CNTN4: variants seen among roughly 807,000 people sequenced by gnomAD.
CNTN4 encodes the protein contactin-4.
In CNTN4, 77 loss-of-function variants were observed where a neutral mutation model predicts 122.5. That is an observed-to-expected ratio of 0.63 (90% CI 0.52 to 0.76). The LOEUF is 0.76. CNTN4 is among the 30% of genes least tolerant of loss of function. The probability of loss-of-function intolerance (pLI) is 0.00; values close to 1 mark genes in which losing one functional copy is unlikely to be tolerated. For synonymous variants in CNTN4, 512 were observed against 447.0 expected (o/e 1.15, Z -1.83); for missense variants, 1,256 against 1,259.1 (o/e 1.00, Z 0.04).
At chr3:2,189,605 A>G (rs2037431674) in intron 2 of CNTN4, among the ~76,000 whole-genome samples, 1 of 152,108 alleles carries the variant, frequency 6.6e-6, no homozygotes, top group South Asian at 2.1e-4. Context: ...TCTCGCCTCC[A>G]TGTTGTCCCT....
At chr3:2,733,520 G>A (rs1377799076) in intron 4 of CNTN4, among the ~76,000 whole-genome samples, 2 of 146,102 alleles carry the variant, frequency 1.4e-5, no homozygotes, top group Non-Finnish European at 3.0e-5. Flanking sequence ...TTTTTTTAAA[G>A]TGCATGTTTG....
At chr3:2,779,984 A>G (rs564417731) in intron 6 of CNTN4, among the ~76,000 whole-genome samples, 1 of 152,254 alleles carries the variant, frequency 6.6e-6, no homozygotes, top group South Asian at 2.1e-4. Flanking sequence ...TTGAAGAACT[A>G]ACTGACCATT....
At chr3:2,899,579 A>G (rs2094150632) in intron 10 of CNTN4, among the ~76,000 whole-genome samples, 1 of 152,184 alleles carries the variant, frequency 6.6e-6, no homozygotes, top group South Asian at 2.1e-4. Context: ...ATTTATGAAG[A>G]CTTTTTATGG....
At chr3:2,702,197 G>A (rs1347835130) in intron 4 of CNTN4, among the ~76,000 whole-genome samples, 3 of 152,176 alleles carry the variant, frequency 2.0e-5, no homozygotes, top group Admixed American at 2.0e-4. Context: ...TGTTAGGGGA[G>A]AGCTAGGCAT....
chr3:2,290,145 T>G (rs183327481), intron 2 of CNTN4, among the ~76,000 whole-genome samples: 6 of 152,226 alleles, frequency 3.9e-5, no homozygotes, highest in Admixed American at 3.3e-4. Flanking sequence ...AAACAACAGT[T>G]TCTAGACAGT....
chr3:2,275,339 A>G (rs1051575404), intron 2 of CNTN4, among the ~76,000 whole-genome samples: 14 of 152,306 alleles, frequency 9.2e-5, no homozygotes, highest in African/African-American at 3.4e-4. Flanking sequence ...TACGTGATTT[A>G]TGTGCTAATT....
chr3:2,687,531 C>T (rs1174785468), intron 4 of CNTN4, among the ~76,000 whole-genome samples: 1 of 152,070 alleles, frequency 6.6e-6, no homozygotes, highest in East Asian at 1.9e-4. Context: ...GGCATGGTGG[C>T]ATGCGCCTGT....
At chr3:2,204,276 T>G (rs1255958478) in intron 2 of CNTN4, among the ~76,000 whole-genome samples, 1 of 152,318 alleles carries the variant, frequency 6.6e-6, no homozygotes, top group Admixed American at 6.5e-5. Context: ...CATACATCTT[T>G]TTAATTATTC....
intron 4 of CNTN4, among the ~76,000 whole-genome samples, chr3:2,645,136 C>G (rs1166713795): frequency 6.6e-6 from 1 of 152,010 alleles, no homozygotes; most frequent in East Asian, 1.9e-4. Flanking sequence ...GAAAATTGCT[C>G]AGGCTTCAAG....
chr3:2,323,386 G>T (rs2043338042), intron 2 of CNTN4, among the ~76,000 whole-genome samples: 2 of 152,246 alleles, frequency 1.3e-5, no homozygotes, highest in Admixed American at 1.3e-4. Flanking sequence ...GAGATTCATG[G>T]AACCTGGTAA....
intron 3 of CNTN4, among the ~76,000 whole-genome samples, chr3:2,480,042 A>G (rs548084055): frequency 1.1e-3 from 167 of 152,346 alleles, no homozygotes; most frequent in African/African-American, 3.8e-3. Context: ...CACTAGATGC[A>G]GAAAAGCATT....
rs111977002 is a variant in CNTN4, at chr3:2,878,778, G to A, written c.653-4367G>A. On this transcript the variant is annotated intron_variant, in intron 8 of 24. Transcript: ENST00000418658. Reference sequence around the variant, plus strand: ...ATGAAAAAGACAGACGCATTATTTGGTGTAATATGTTTTGCCATCTAAATG... The same window carrying A: ...ATGAAAAAGACAGACGCATTATTTGATGTAATATGTTTTGCCATCTAAATG... Among the ~76,000 whole-genome samples, 834 of 152,230 alleles carry A rather than the reference G, an allele frequency of 5.5e-3. 5 individuals are homozygous for A. The highest frequency in any genetic ancestry group is 0.019 in the African/African-American group (804 of 41,514).
At chr3:2,170,069 C>A (rs1159013442) in intron 2 of CNTN4, among the ~76,000 whole-genome samples, 2 of 151,960 alleles carry the variant, frequency 1.3e-5, no homozygotes, top group African/African-American at 2.4e-5. Flanking sequence ...CGCCTGTAAT[C>A]CCAGCACTTT....
chr3:2,138,255 A>C (rs968872145), intron 2 of CNTN4, among the ~76,000 whole-genome samples: 6 of 151,726 alleles, frequency 4.0e-5, no homozygotes, highest in Non-Finnish European at 5.9e-5. Flanking sequence ...TTTACTAGGG[A>C]CGGGGTTTCA....
chr3:2,265,854 T>A (rs2041022368), intron 2 of CNTN4, among the ~76,000 whole-genome samples: 1 of 151,970 alleles, frequency 6.6e-6, no homozygotes, highest in Non-Finnish European at 1.5e-5. Context: ...GCTTTCTTGA[T>A]TTCTTTTTCA....
chr3:2,384,071 G>A (rs1191365743), intron 3 of CNTN4, among the ~76,000 whole-genome samples: 1 of 152,050 alleles, frequency 6.6e-6, no homozygotes, highest in African/African-American at 2.4e-5. Flanking sequence ...TTTTCTGCTG[G>A]GAGAATAAGA....
intron 3 of CNTN4, among the ~76,000 whole-genome samples, chr3:2,347,410 C>CTTTTTTT (rs10664705): frequency 3.0e-4 from 34 of 113,134 alleles, no homozygotes; most frequent in African/African-American, 6.0e-4. Flanking sequence ...GAAATACAAT[C>CTTTTTTT]TTTTTTTTTT....
chr3:2,130,038 A>G (rs1462574353), intron 2 of CNTN4, among the ~76,000 whole-genome samples: 2 of 152,140 alleles, frequency 1.3e-5, no homozygotes, highest in African/African-American at 4.8e-5. Flanking sequence ...AAAGATGTAA[A>G]TAACTAGTGG....
intron 3 of CNTN4, among the ~76,000 whole-genome samples, chr3:2,436,327 C>G (rs577850578): frequency 6.6e-6 from 1 of 152,094 alleles, no homozygotes; most frequent in African/African-American, 2.4e-5. Flanking sequence ...GAGTTGTAGG[C>G]ATCTCTCACA....
Sources: allele counts gnomAD v4.1 joint callset (sites outside exome capture counted in the v4.1 genomes callset), GRCh38; gene constraint gnomAD v4.1.1; transcripts MANE v1.5; gene names NCBI Gene and HGNC (gene_info 2026-07-23, HGNC 2026-07-21).